GPLD1: variants seen among roughly 807,000 people sequenced by gnomAD.
GPLD1 encodes the protein phosphatidylinositol-glycan-specific phospholipase D.
A neutral mutation model predicts 112.6 loss-of-function variants in GPLD1; 84 were observed. That is an observed-to-expected ratio of 0.75 (90% confidence interval 0.63 to 0.89). GPLD1 has a LOEUF of 0.89. Ranked by LOEUF, GPLD1 falls within the 40% of genes least tolerant of loss-of-function variation. The probability of loss-of-function intolerance (pLI) is 0.00; values close to 1 mark genes in which losing one functional copy is unlikely to be tolerated. For missense variants in GPLD1, 1,044 were observed against 1,051.5 expected (o/e 0.99, Z 0.10); for synonymous variants, 386 against 403.8 (o/e 0.96, Z 0.53).
chr6:24,475,024 C>G (rs751612227), intron 5 of GPLD1, 97 bp downstream of exon 5: 1 of 701,534 alleles, frequency 1.4e-6, no homozygotes, highest in Non-Finnish European at 2.6e-6. Context: ...GTCTGAATAA[C>G]CTAACATTTT....
intron 20 of GPLD1, among the ~76,000 whole-genome samples, chr6:24,437,575 C>G (rs754605405): frequency 1.5e-5 from 2 of 133,740 alleles, no homozygotes; most frequent in Non-Finnish European, 3.1e-5. Context: ...GTATCACAAA[C>G]TAGGTCACCC....
At chr6:24,457,515 G>T (rs577539137) in intron 12 of GPLD1, among the ~76,000 whole-genome samples, 4 of 152,052 alleles carry the variant, frequency 2.6e-5, no homozygotes. Context: ...TTTCAATGCA[G>T]AACTTTAATT....
At chr6:24,430,966 G>A (rs888773635) in intron 24 of GPLD1, among the ~76,000 whole-genome samples, 2 of 152,144 alleles carry the variant, frequency 1.3e-5, no homozygotes, top group Admixed American at 1.3e-4. Flanking sequence ...ACTGATGTAA[G>A]CTATAGTTGA....
At chr6:24,464,776 A>C (rs1290107938) in intron 10 of GPLD1, among the ~76,000 whole-genome samples, 3 of 152,174 alleles carry the variant, frequency 2.0e-5, no homozygotes, top group African/African-American at 7.2e-5. Flanking sequence ...GTACAGCCTA[A>C]GCTTCCCGCT....
At position 24,426,835 on chromosome 6, in the gene GPLD1, C is replaced by G. The variant is rs1013496728; in HGVS notation, c.*2197G>C. ...ACCAATAATTGTCCCTAAACAAAACCAAATGGCGCTTCCTTGTGCTTTTGC... is the reference window on the plus strand; with the variant it reads ...ACCAATAATTGTCCCTAAACAAAACGAAATGGCGCTTCCTTGTGCTTTTGC... On this transcript the variant is annotated 3_prime_UTR_variant, in exon 25 of 25. Transcript: ENST00000230036. 7.9e-5 allele frequency among the ~76,000 whole-genome samples: 12 copies of G among 152,134 alleles called. No homozygotes were observed. Among genetic ancestry groups the G allele is most frequent in the African/African-American group, 2.9e-4 (12 of 41,434 alleles).
intron 20 of GPLD1, among the ~76,000 whole-genome samples, chr6:24,443,221 G>C (rs1341634590): frequency 6.6e-6 from 1 of 152,148 alleles, no homozygotes; most frequent in Non-Finnish European, 1.5e-5. Flanking sequence ...AAAGGAAGGG[G>C]AACCGAGGAA....
chr6:24,487,882 A>G (rs115179323), intron 1 of GPLD1, among the ~76,000 whole-genome samples: 2,279 of 152,266 alleles, frequency 0.015, 32 homozygotes, highest in South Asian at 0.037. Context: ...TAGCTGTAAA[A>G]CTGTCTAGTA....
chr6:24,473,594 T>A (rs781583357), intron 6 of GPLD1, 25 bp downstream of exon 6: 1 of 1,512,018 alleles, frequency 6.6e-7, no homozygotes, highest in Non-Finnish European at 9.2e-7. Flanking sequence ...CACGAGAAAA[T>A]TTAGCAAATG....
Position 24,487,626 on chromosome 6 carries a change from T to C in GPLD1, c.98-1496A>G, listed in dbSNP as rs115415858. 3.8e-3 allele frequency among the ~76,000 whole-genome samples: 581 copies of C among 152,334 alleles called. 1 individual carries two copies. The highest frequency in any genetic ancestry group is 0.013 in the African/African-American group (539 of 41,574). On this transcript the variant is annotated intron_variant, in intron 1 of 24. Coordinates refer to ENST00000230036, the MANE Select transcript of GPLD1 (RefSeq NM_001503.4). ...TTGGCAATTTCAACTTCACAGAACA[T>C]AGAACTGCAAGACACTTTAGAATTC... is the stretch of plus-strand genomic sequence containing the variant.
intron 15 of GPLD1, among the ~76,000 whole-genome samples, chr6:24,449,016 C>G (rs554479638): frequency 1.3e-5 from 2 of 152,116 alleles, no homozygotes; most frequent in African/African-American, 2.4e-5. Context: ...GGTACAAGCA[C>G]AGGATGCTAA....
chr6:24,428,870 G>C lies in GPLD1; in HGVS notation c.*162C>G, dbSNP rs188277470. 1.8e-3 allele frequency: 864 copies of C among 488,354 alleles called. 8 individuals are homozygous for C. Among genetic ancestry groups the C allele is most frequent in the African/African-American group, 0.015 (765 of 51,146 alleles). 30.3% of individuals were successfully genotyped at this position (488,354 alleles called of 1,614,324 possible). ...ATATATTTACTGTATCAGATTTCCA[G>C]AGGGTGTGGCTGTTAGTGTGTCTCT... On this transcript the variant is annotated 3_prime_UTR_variant, in exon 25 of 25. Coordinates refer to ENST00000230036, the MANE Select transcript of GPLD1 (RefSeq NM_001503.4).
intron 7 of GPLD1, among the ~76,000 whole-genome samples, chr6:24,471,861 A>C (rs1281301690): frequency 6.6e-6 from 1 of 152,212 alleles, no homozygotes; most frequent in East Asian, 1.9e-4. Context: ...CTGGGACTAC[A>C]GATGCTGTGC....
chr6:24,485,432 T>C (rs766482903), intron 2 of GPLD1, among the ~76,000 whole-genome samples: 2 of 152,116 alleles, frequency 1.3e-5, no homozygotes, highest in Non-Finnish European at 2.9e-5. Context: ...ATTGGAATGA[T>C]ACAGAGAAGA....
Position 24,426,079 on chromosome 6 carries a change from A to G in GPLD1, c.*2953T>C, listed in dbSNP as rs991570004. 6.6e-6 allele frequency: 1 copy of G among 152,206 alleles called. No homozygotes were observed. Among genetic ancestry groups the G allele is most frequent in the African/African-American group, 2.4e-5 (1 of 41,448 alleles). 9.4% of individuals were successfully genotyped at this position (152,206 alleles called of 1,614,324 possible). A position where few individuals can be genotyped will look rare whatever the true frequency, so the allele number is the denominator to read the frequency against. On this transcript the variant is annotated 3_prime_UTR_variant, in exon 25 of 25. Coordinates refer to ENST00000230036, the MANE Select transcript of GPLD1 (RefSeq NM_001503.4). ...GATACAAAGGCATAAAACAATTCCT[A>G]TCTTGAAGCCTTGAGAAAAGCTGTT...
At chr6:24,439,492 A>C (rs1432968312) in intron 20 of GPLD1, among the ~76,000 whole-genome samples, 1 of 152,268 alleles carries the variant, frequency 6.6e-6, no homozygotes, top group Non-Finnish European at 1.5e-5. Context: ...CAAATCTCTA[A>C]CACGCATCAC....
chr6:24,424,736 A>G (rs1281982549), downstream of GPLD1: 2 of 152,232 alleles, frequency 1.3e-5, no homozygotes, highest in African/African-American at 2.4e-5. Context: ...GGAAGATTCT[A>G]GAGTGTCCAG....
At position 24,470,748 on chromosome 6, in the gene GPLD1, GCCAT is replaced by G. The variant is rs537862272; in HGVS notation, c.545+1830_545+1833del. Among the ~76,000 whole-genome samples, 475 of 152,236 alleles carry G rather than the reference GCCAT, an allele frequency of 3.1e-3. 1 individual carries two copies. The highest frequency in any genetic ancestry group is 6.2e-3 in the Non-Finnish European group (425 of 68,014). ...CAAGTTGCTGGGATTACAGGCACGT[GCCAT>G]CGTACCAGGCTAATTTTTGTAGTTT... On this transcript the variant is annotated intron_variant, in intron 7 of 24. Coordinates refer to ENST00000230036, the MANE Select transcript of GPLD1 (RefSeq NM_001503.4).
intron 20 of GPLD1, 25 bp from the exon 21 acceptor site, chr6:24,437,314 G>A: frequency 6.2e-7 from 1 of 1,606,206 alleles, no homozygotes. Context: ...AGTTCCTGCT[G>A]GCCTCACAGA....
chr6:24,436,547 T>G, intron 22 of GPLD1, 29 bp downstream of exon 22: 1 of 1,595,098 alleles, frequency 6.3e-7, no homozygotes, highest in South Asian at 1.1e-5. Context: ...CCTTTCCCAA[T>G]AAGTTATAGA....
Sources: gnomAD v4.1 joint callset for allele counts (sites outside exome capture counted in the v4.1 genomes callset) on GRCh38, gnomAD v4.1.1 for gene constraint, MANE v1.5 for transcripts, NCBI Gene and HGNC (gene_info 2026-07-23, HGNC 2026-07-21) for gene names.